Variants in DLG2 observed in about 807,000 individuals in gnomAD.
DLG2 encodes discs large MAGUK scaffold protein 2.
A neutral mutation model predicts 132.5 loss-of-function variants in DLG2; 45 were observed. The observed-to-expected ratio is 0.34, with a 90% confidence interval of 0.27 to 0.44. The LOEUF (loss-of-function observed/expected upper bound fraction) is 0.44, where lower values mean the gene tolerates loss of function less well. Ranked by LOEUF, DLG2 falls within the 20% of genes least tolerant of loss-of-function variation. DLG2 has a pLI of 1.00. For synonymous variants in DLG2, 424 were observed against 419.6 expected (o/e 1.01, Z -0.13); for missense variants, 1,045 against 1,196.9 (o/e 0.87, Z 1.87).
At position 83,733,608 on chromosome 11, in the gene DLG2, A is replaced by T. The variant is rs113841881; in HGVS notation, c.1825+53082T>A. 6.0e-3 allele frequency among the ~76,000 whole-genome samples: 915 copies of T among 152,272 alleles called. 5 individuals are homozygous for T. The highest frequency in any genetic ancestry group is 0.019 in the African/African-American group (789 of 41,556). On this transcript the variant is annotated intron_variant, in intron 18 of 27. Coordinates refer to ENST00000376104, the MANE Select transcript of DLG2 (RefSeq NM_001142699.3). ...GTCTTGTTACTTCGGTAGCTGCTCA[A>T]ATATTGGAGGACTGAGACTTACTCT...
chr11:83,777,754 G>T (rs370782219), intron 18 of DLG2, among the ~76,000 whole-genome samples: 1 of 152,112 alleles, frequency 6.6e-6, no homozygotes, highest in Non-Finnish European at 1.5e-5. Context: ...CTTCTTCCGA[G>T]TGGGTGAAAG....
intron 6 of DLG2, among the ~76,000 whole-genome samples, chr11:84,952,689 G>C (rs2051120958): frequency 6.6e-6 from 1 of 151,796 alleles, no homozygotes; most frequent in African/African-American, 2.4e-5. Flanking sequence ...GTTGAGAATA[G>C]AGATTTTAAA....
At chr11:83,548,779 A>G (rs2096302309) in intron 19 of DLG2, among the ~76,000 whole-genome samples, 1 of 152,208 alleles carries the variant, frequency 6.6e-6, no homozygotes, top group Non-Finnish European at 1.5e-5. Context: ...ATTTTAAGAT[A>G]AAGAAGCTGA....
At chr11:85,132,440 G>A (rs555436909) in intron 5 of DLG2, among the ~76,000 whole-genome samples, 5 of 151,900 alleles carry the variant, frequency 3.3e-5, no homozygotes, top group African/African-American at 1.2e-4. Flanking sequence ...AAACTGATGT[G>A]TATGTGCTAC....
chr11:83,520,556 T>C (rs1402838621), intron 21 of DLG2, among the ~76,000 whole-genome samples: 1 of 152,088 alleles, frequency 6.6e-6, no homozygotes, highest in Non-Finnish European at 1.5e-5. Context: ...GATAGAAAGA[T>C]AGCTAACTAG....
At chr11:84,966,971 T>C (rs1302539619) in intron 6 of DLG2, among the ~76,000 whole-genome samples, 1 of 152,052 alleles carries the variant, frequency 6.6e-6, no homozygotes, top group Non-Finnish European at 1.5e-5. Flanking sequence ...TGGTTTGCCC[T>C]CCATTGGTCT....
chr11:83,775,989 G>A (rs907304714), intron 18 of DLG2, among the ~76,000 whole-genome samples: 1 of 152,178 alleles, frequency 6.6e-6, no homozygotes, highest in Non-Finnish European at 1.5e-5. Context: ...CTACTCGGGA[G>A]GCTGAGGCAG....
At chr11:84,164,228 C>A (rs1010511351) in intron 8 of DLG2, among the ~76,000 whole-genome samples, 2 of 152,184 alleles carry the variant, frequency 1.3e-5, no homozygotes, top group Non-Finnish European at 2.9e-5. Context: ...TAGATTTCCA[C>A]AAATGTGCAC....
chr11:84,436,901 C>G (rs1309893830), intron 7 of DLG2, among the ~76,000 whole-genome samples: 3 of 152,172 alleles, frequency 2.0e-5, no homozygotes, highest in Non-Finnish European at 4.4e-5. Context: ...CCTGTAGAGT[C>G]TGGTCAACGT....
intron 7 of DLG2, among the ~76,000 whole-genome samples, chr11:84,300,126 A>G (rs1385029967): frequency 6.6e-6 from 1 of 152,162 alleles, no homozygotes; most frequent in East Asian, 1.9e-4. Context: ...TAAAATTCCT[A>G]TCCCTATGTA....
intron 5 of DLG2, chr11:85,132,689 A>G: frequency 2.2e-6 from 1 of 456,604 alleles, no homozygotes; most frequent in South Asian, 1.5e-5. Flanking sequence ...GGCAGCACCT[A>G]CTAGAACTGT....
chr11:85,387,729 G>A (rs2086461526), intron 3 of DLG2, among the ~76,000 whole-genome samples: 2 of 152,166 alleles, frequency 1.3e-5, no homozygotes, highest in Admixed American at 1.3e-4. Flanking sequence ...TTTGAAGAGG[G>A]ACATATCACT....
At chr11:83,510,985 C>T (rs2094984666) in intron 21 of DLG2, among the ~76,000 whole-genome samples, 1 of 144,268 alleles carries the variant, frequency 6.9e-6, no homozygotes, top group African/African-American at 2.6e-5. Flanking sequence ...AAACACACTT[C>T]AAGGAAATAA....
At chr11:84,361,414 T>C (rs958210105) in intron 7 of DLG2, among the ~76,000 whole-genome samples, 2 of 151,972 alleles carry the variant, frequency 1.3e-5, no homozygotes, top group Non-Finnish European at 2.9e-5. Flanking sequence ...TCAGATCATA[T>C]GGCAGTGACA....
At position 84,687,805 on chromosome 11, in the gene DLG2, G is replaced by GA. The variant is rs772589140; in HGVS notation, c.358-153075dup. 5.9e-5 allele frequency among the ~76,000 whole-genome samples: 9 copies of GA among 152,110 alleles called. No individual in the cohort carries two copies. The East Asian group carries it at 7.7e-4, about 13-fold the overall frequency. On this transcript the variant is annotated intron_variant, in intron 6 of 27. Coordinates refer to ENST00000376104, the MANE Select transcript of DLG2 (RefSeq NM_001142699.3). The stretch of plus-strand genomic sequence containing the variant: ...ATACACATTAAATGTCAAAAAAAAT[G>GA]AAAAAAATGATGCTAGTTATTGAGT...
At chr11:84,801,291 G>C (rs549104128) in intron 6 of DLG2, among the ~76,000 whole-genome samples, 1 of 152,070 alleles carries the variant, frequency 6.6e-6, no homozygotes, top group Non-Finnish European at 1.5e-5. Flanking sequence ...TTTAATTGAG[G>C]CCAGGCGCCA....
intron 8 of DLG2, among the ~76,000 whole-genome samples, chr11:84,227,429 G>A (rs1296789237): frequency 6.6e-6 from 1 of 152,100 alleles, no homozygotes. Flanking sequence ...ATGGAAAACT[G>A]CAAAGAGGAT....
rs77376373 is a variant in DLG2 at position 84,001,397 on chromosome 11, A to G, written c.920-20755T>C. Among the ~76,000 whole-genome samples the G allele has an allele frequency of 4.3e-3, 646 of 151,962 alleles. 2 individuals carry two copies. The highest frequency in any genetic ancestry group is 0.014 in the African/African-American group (582 of 41,524). ...TAATAGGGAATCAATGCAGCAAGAG[A>G]ATGTAACAATGCTAAATATACATGC... is the stretch of plus-strand genomic sequence containing the variant. On this transcript the variant is annotated intron_variant, in intron 11 of 27. Transcript: ENST00000376104.
At chr11:85,142,880 A>C (rs2076589865) in intron 5 of DLG2, among the ~76,000 whole-genome samples, 1 of 151,866 alleles carries the variant, frequency 6.6e-6, no homozygotes. Flanking sequence ...ATGTTGAGAC[A>C]TCTGTGCATC....
Sources: allele counts gnomAD v4.1 joint callset (sites outside exome capture counted in the v4.1 genomes callset), GRCh38; gene constraint gnomAD v4.1.1; transcripts MANE v1.5; gene names NCBI Gene and HGNC (gene_info 2026-07-23, HGNC 2026-07-21).